The following KCNC2 variants were observed in gnomAD, a reference collection of about 807,000 sequenced individuals.
KCNC2 encodes voltage-gated potassium channel KCNC2.
KCNC2 carries 21 observed loss-of-function variants against 44.5 expected under a neutral mutation model. That is an observed-to-expected ratio of 0.47 (90% CI 0.33 to 0.68). The LOEUF is 0.68. KCNC2 is among the 30% of genes least tolerant of loss of function. KCNC2 has a pLI of 0.01. For missense variants in KCNC2, 589 were observed against 826.2 expected (o/e 0.71, Z 3.52); for synonymous variants, 391 against 339.1 (o/e 1.15, Z -1.68).
intron 4 of KCNC2, chr12:75,043,570 T>C (rs1289630767): frequency 4.1e-6 from 5 of 1,224,200 alleles, no homozygotes; most frequent in Non-Finnish European, 5.2e-6. Context: ...AAGTAAGATA[T>C]AAGCTTGACT....
chr12:75,125,626 T>C (rs1888363584), intron 2 of KCNC2, among the ~76,000 whole-genome samples: 2 of 152,208 alleles, frequency 1.3e-5, no homozygotes, highest in Admixed American at 1.3e-4. Context: ...CATTGCGCTA[T>C]GCCTTCTGTT....
chr12:75,150,371 C>A (rs910498629), intron 2 of KCNC2, among the ~76,000 whole-genome samples: 1 of 151,856 alleles, frequency 6.6e-6, no homozygotes, highest in African/African-American at 2.4e-5. Flanking sequence ...TGTAGAAAGT[C>A]TAGCCTCCAG....
chr12:75,182,759 A>G (rs951433651), intron 2 of KCNC2, among the ~76,000 whole-genome samples: 5 of 152,170 alleles, frequency 3.3e-5, no homozygotes, highest in Admixed American at 3.3e-4. Context: ...GCACGTTAAT[A>G]TTTCTGTAGC....
chr12:75,123,234 T>C (rs1888167139), intron 2 of KCNC2, among the ~76,000 whole-genome samples: 1 of 152,202 alleles, frequency 6.6e-6, no homozygotes, highest in Non-Finnish European at 1.5e-5. Context: ...AGGAAGTTTT[T>C]ACTGCATAGA....
At chr12:75,125,255 C>A (rs1888333658) in intron 2 of KCNC2, among the ~76,000 whole-genome samples, 1 of 152,134 alleles carries the variant, frequency 6.6e-6, no homozygotes, top group Admixed American at 6.5e-5. Context: ...TCTCCTGTAC[C>A]AATTTGTTCA....
intron 2 of KCNC2, among the ~76,000 whole-genome samples, chr12:75,107,894 C>A (rs1447174531): frequency 2.6e-5 from 4 of 152,090 alleles, no homozygotes; most frequent in Non-Finnish European, 5.9e-5. Flanking sequence ...AAGTAGAATC[C>A]TGCATATACA....
At position 75,042,361 on chromosome 12, in the gene KCNC2, C is replaced by T. The variant is rs778482911; in HGVS notation, c.*744G>A. ...CTTGCGTGTAACCAGTAATGACAACCTCTTTGCAGTTATCTGTGTGCAAAC... is the reference window on the plus strand; with the variant it reads ...CTTGCGTGTAACCAGTAATGACAACTTCTTTGCAGTTATCTGTGTGCAAAC... On this transcript the variant is annotated 3_prime_UTR_variant, in exon 5 of 5. Transcript: ENST00000549446. 2 of 1,612,032 alleles carry T rather than the reference C, an allele frequency of 1.2e-6. No individual in the cohort carries two copies. The highest frequency in any genetic ancestry group is 1.7e-5 in the Admixed American group (1 of 59,838).
rs371413075 is a variant in KCNC2 at position 75,159,701 on chromosome 12, T to G, written c.687+47596A>C. Among the ~76,000 whole-genome samples, 14 of 151,966 alleles carry G rather than the reference T, an allele frequency of 9.2e-5. 1 individual carries two copies. The highest frequency in any genetic ancestry group is 3.4e-4 in the African/African-American group (14 of 41,502). Reference sequence around the variant, plus strand: ...AAGCAGCTTACATATATGGCTAGTATTTTCCATTTAATCACAGGTGTTCAA... The same window carrying G: ...AAGCAGCTTACATATATGGCTAGTAGTTTCCATTTAATCACAGGTGTTCAA... On this transcript the variant is annotated intron_variant, in intron 2 of 4. Transcript: ENST00000549446.
intron 2 of KCNC2, among the ~76,000 whole-genome samples, chr12:75,171,812 T>G (rs1463481512): frequency 1.3e-5 from 2 of 151,888 alleles, no homozygotes; most frequent in African/African-American, 4.8e-5. Context: ...GTGTTGGATA[T>G]CTCAGTTAAC....
At chr12:75,190,413 G>T (rs2030083785) in intron 2 of KCNC2, among the ~76,000 whole-genome samples, 1 of 152,096 alleles carries the variant, frequency 6.6e-6, no homozygotes. Flanking sequence ...AGTTCAGGAG[G>T]TGATGCTAAC....
At chr12:75,084,459 G>A in intron 2 of KCNC2, among the ~76,000 whole-genome samples, 1 of 151,980 alleles carries the variant, frequency 6.6e-6, no homozygotes, top group East Asian at 1.9e-4. Flanking sequence ...ATGGGGGTCA[G>A]TCTTTCTGGT....
intron 2 of KCNC2, among the ~76,000 whole-genome samples, chr12:75,054,855 C>T (rs1881572078): frequency 6.6e-6 from 1 of 152,160 alleles, no homozygotes; most frequent in Admixed American, 6.6e-5. Context: ...GACCCAGTGG[C>T]TTTGAGGACT....
At chr12:75,067,709 A>T (rs1390166464) in intron 2 of KCNC2, among the ~76,000 whole-genome samples, 2 of 152,212 alleles carry the variant, frequency 1.3e-5, no homozygotes, top group African/African-American at 4.8e-5. Flanking sequence ...AGTCTTAAAA[A>T]GTATTAATAT....
intron 2 of KCNC2, among the ~76,000 whole-genome samples, chr12:75,173,036 A>G (rs1193871697): frequency 6.6e-6 from 1 of 151,928 alleles, no homozygotes; most frequent in African/African-American, 2.4e-5. Flanking sequence ...CAAATACTCT[A>G]TAATTACTAT....
chr12:75,142,022 G>A (rs372265856), intron 2 of KCNC2, among the ~76,000 whole-genome samples: 2 of 152,102 alleles, frequency 1.3e-5, no homozygotes, highest in African/African-American at 2.4e-5. Context: ...TTAGAGCTAC[G>A]CAAGTAGTAA....
chr12:75,206,562 T>C (rs1304195324), intron 2 of KCNC2, among the ~76,000 whole-genome samples: 1 of 152,174 alleles, frequency 6.6e-6, no homozygotes, highest in Non-Finnish European at 1.5e-5. Context: ...AGAACTAGGA[T>C]CACCAAAGTG....
At chr12:75,173,793 T>C (rs1891992746) in intron 2 of KCNC2, among the ~76,000 whole-genome samples, 1 of 151,870 alleles carries the variant, frequency 6.6e-6, no homozygotes, top group East Asian at 1.9e-4. Flanking sequence ...ACTGCAATAC[T>C]CTTCATGTTA....
Position 75,042,219 on chromosome 12 carries a change from A to T in KCNC2, c.*886T>A, listed in dbSNP as rs7969026. 121,676 of 1,283,908 alleles carry T rather than the reference A, an allele frequency of 0.095. 2,531 individuals are homozygous for T. Among genetic ancestry groups the T allele is most frequent in the East Asian group, 0.23 (7,535 of 33,256 alleles). The allele number at this position is 1,283,908 out of a possible 1,614,324, so 79.5% of individuals were successfully genotyped here. A position where few individuals can be genotyped will look rare whatever the true frequency, so the allele number is the denominator to read the frequency against. Reference sequence around the variant, plus strand: ...CAAACCCTGGGTATTTTTTTTTTTTAAAGAGTCTAGAACCAAGCAGCAATT... The same window carrying T: ...CAAACCCTGGGTATTTTTTTTTTTTTAAGAGTCTAGAACCAAGCAGCAATT... On this transcript the variant is annotated 3_prime_UTR_variant, in exon 5 of 5. Coordinates refer to ENST00000549446, the MANE Select transcript of KCNC2 (RefSeq NM_139137.4).
At chr12:75,180,749 A>T (rs1309769940) in intron 2 of KCNC2, among the ~76,000 whole-genome samples, 1 of 151,932 alleles carries the variant, frequency 6.6e-6, no homozygotes, top group East Asian at 1.9e-4. Context: ...TTTACTTAAT[A>T]GCTTTTAGAA....
Sources: gnomAD v4.1 joint callset for allele counts (sites outside exome capture counted in the v4.1 genomes callset) on GRCh38, gnomAD v4.1.1 for gene constraint, MANE v1.5 for transcripts, NCBI Gene and HGNC (gene_info 2026-07-23, HGNC 2026-07-21) for gene names.